The following KIF13A variants were observed in gnomAD, a reference collection of about 807,000 sequenced individuals.
KIF13A encodes kinesin-like protein KIF13A.
KIF13A carries 79 observed loss-of-function variants against 212.2 expected under a neutral mutation model. That is an observed-to-expected ratio of 0.37 (90% CI 0.31 to 0.45). The LOEUF (loss-of-function observed/expected upper bound fraction) is 0.45. Among genes scored for constraint, KIF13A ranks in the 20% least tolerant of loss-of-function variants. The probability of loss-of-function intolerance (pLI) is 1.00; values close to 1 mark genes in which losing one functional copy is unlikely to be tolerated. For synonymous variants in KIF13A, 789 were observed against 808.6 expected (o/e 0.98, Z 0.41); for missense variants, 1,901 against 2,209.0 (o/e 0.86, Z 2.79).
rs1474080600 is a variant in KIF13A, at chr6:17,888,596, G to A, written c.159+9572C>T. Among the ~76,000 whole-genome samples the A allele has an allele frequency of 6.6e-6, 1 of 152,228 alleles. No individual in the cohort carries two copies. Among genetic ancestry groups the A allele is most frequent in the African/African-American group, 2.4e-5 (1 of 41,456 alleles). On this transcript the variant is annotated intron_variant, in intron 3 of 38. Coordinates refer to ENST00000259711, the MANE Select transcript of KIF13A (RefSeq NM_022113.6). This position sits in a 1 kb window ranked among gnomAD's most constrained non-coding sequence, Gnocchi z 4.8. ...CCCAGCACTTTGGGAGGCCAAAGCG[G>A]GCAGATCACTTGAGGCCGGGAGTTC...
chr6:17,922,797 A>T (rs998116620), intron 2 of KIF13A, among the ~76,000 whole-genome samples: 3 of 149,884 alleles, frequency 2.0e-5, no homozygotes, highest in African/African-American at 7.4e-5. Context: ...TTTTTTAATT[A>T]AAAAAAAATA....
rs546258852 is a variant in KIF13A at position 17,857,891 on chromosome 6, C to A, written c.221-1769G>T. ...TGCAAATGGGAATCAAGTTAAATGC[C>A]CGTAAGTATGAAAGTAAGTAAAGTG... On this transcript the variant is annotated intron_variant, in intron 4 of 38. Coordinates refer to ENST00000259711, the MANE Select transcript of KIF13A (RefSeq NM_022113.6). Among the ~76,000 whole-genome samples, 5 of 152,040 alleles carry A rather than the reference C, an allele frequency of 3.3e-5. No individual in the cohort carries two copies. In the South Asian group the frequency reaches 1.0e-3, roughly 32 times the overall value.
chr6:17,940,817 A>ATTTTTTT (rs11325656), intron 2 of KIF13A, among the ~76,000 whole-genome samples: 1 of 140,512 alleles, frequency 7.1e-6, no homozygotes, highest in African/African-American at 2.7e-5. Flanking sequence ...ATGTAAATTT[A>ATTTTTTT]TTTTTTTTTT....
Position 17,817,125 on chromosome 6 carries a change from C to T in KIF13A, c.1895G>A (p.Arg632His), listed in dbSNP as rs754947976. 8 of 1,613,898 alleles carry T rather than the reference C, an allele frequency of 5.0e-6. No individual in the cohort carries two copies. The highest frequency in any genetic ancestry group is 2.2e-5 in the East Asian group (1 of 44,884). The change falls in exon 17 of 39, where the codon CGC (arginine) becomes CAC (histidine). Residue 632 changes from arginine (R) to histidine (H), a missense_variant. Arg to His is a conservative substitution (Grantham distance 29). Coordinates refer to ENST00000259711, the MANE Select transcript of KIF13A (RefSeq NM_022113.6). ...LMYERELEQL[R>H]QQLSPDRQPQ... ...CTGCCTGTCGGGGGAGAGCTGCTGGCGGAGTTGCTCCAGTTCCCGCTCATA... is the reference window on the plus strand; with the variant it reads ...CTGCCTGTCGGGGGAGAGCTGCTGGTGGAGTTGCTCCAGTTCCCGCTCATA...
At chr6:17,970,884 A>G (rs1327788595) in intron 2 of KIF13A, among the ~76,000 whole-genome samples, 1 of 152,224 alleles carries the variant, frequency 6.6e-6, no homozygotes, top group African/African-American at 2.4e-5. Context: ...TTTATACTCA[A>G]CAGGTATCTA....
chr6:17,961,623 C>T lies in KIF13A; in HGVS notation c.146+25431G>A, dbSNP rs1249491833. On this transcript the variant is annotated intron_variant, in intron 2 of 38. Transcript: ENST00000259711. This position sits in a 1 kb window ranked among gnomAD's most constrained non-coding sequence, Gnocchi z 4.1. ...ACACTAAAAGGACAGAAAGATCCTT[C>T]ACCCAGGGCTTAGTAAATAGAATAG... is the stretch of plus-strand genomic sequence containing the variant. Among the ~76,000 whole-genome samples, 1 of 152,192 alleles carries T rather than the reference C, an allele frequency of 6.6e-6. No homozygotes were observed. Among genetic ancestry groups the T allele is most frequent in the Non-Finnish European group, 1.5e-5 (1 of 68,040 alleles).
chr6:17,914,153 G>T lies in KIF13A; in HGVS notation c.147-15973C>A, dbSNP rs1428634076. ...ATCCAAGGCCATTTCTTAGTCTAAA[G>T]AATGTTCAGGTTAGAAGGCAAATCT... On this transcript the variant is annotated intron_variant, in intron 2 of 38. Transcript: ENST00000259711. This position sits in a 1 kb window ranked among gnomAD's most constrained non-coding sequence, Gnocchi z 5.9. 6.6e-6 allele frequency among the ~76,000 whole-genome samples: 1 copy of T among 152,200 alleles called. No individual in the cohort carries two copies.
downstream of KIF13A, chr6:17,760,847 C>T (rs1330393333): frequency 6.2e-7 from 1 of 1,613,682 alleles, no homozygotes; most frequent in South Asian, 1.1e-5. Flanking sequence ...AGGAGGGGTG[C>T]TTGCTGCTCT....
Position 17,912,783 on chromosome 6 carries a change from T to C in KIF13A, c.147-14603A>G, listed in dbSNP as rs1009811444. Among the ~76,000 whole-genome samples the C allele has an allele frequency of 6.6e-6, 1 of 152,174 alleles. No homozygotes were observed. Among genetic ancestry groups the C allele is most frequent in the African/African-American group, 2.4e-5 (1 of 41,442 alleles). On this transcript the variant is annotated intron_variant, in intron 2 of 38. Transcript: ENST00000259711. This position sits in a 1 kb window ranked among gnomAD's most constrained non-coding sequence, Gnocchi z 4.2. ...GAAGCACTGAGAAAAGGTTACTTGT[T>C]TCTCATGGTATCCTCCCTGTCCAGG...
chr6:17,811,675 C>G lies in KIF13A; in HGVS notation c.2001-2745G>C, dbSNP rs1252332547. 6.6e-6 allele frequency among the ~76,000 whole-genome samples: 1 copy of G among 152,204 alleles called. No individual in the cohort carries two copies. Among genetic ancestry groups the G allele is most frequent in the East Asian group, 1.9e-4 (1 of 5,198 alleles). ...TCAACAATTTACTTAGGTAAGAGTT[C>G]CAGCTTCTTATATAACCACATACAA... On this transcript the variant is annotated intron_variant, in intron 17 of 38. Coordinates refer to ENST00000259711, the MANE Select transcript of KIF13A (RefSeq NM_022113.6). This position sits in a 1 kb window ranked among gnomAD's most constrained non-coding sequence, Gnocchi z 6.0.
Position 17,856,020 on chromosome 6 carries a change from A to AACTTCTT in KIF13A, c.313+3_313+9dup. On this transcript the variant is annotated intron_variant, in intron 5 of 38. Coordinates refer to ENST00000259711, the MANE Select transcript of KIF13A (RefSeq NM_022113.6). The surrounding 1 kb of genome is among the most constrained non-coding windows in gnomAD (Gnocchi z 4.5). ...TCCCCCACATCTGGTCTATAAAAGC[A>AACTTCTT]ACTTCTTACCTGTCTGTCCATATGC... The AACTTCTT allele has an allele frequency of 6.3e-7, 1 of 1,593,014 alleles. No homozygotes were observed. Among genetic ancestry groups the AACTTCTT allele is most frequent in the Non-Finnish European group, 8.6e-7 (1 of 1,162,084 alleles).
intron 35 of KIF13A, among the ~76,000 whole-genome samples, chr6:17,774,773 C>CAA (rs111818221): frequency 1.5e-4 from 16 of 103,588 alleles, no homozygotes; most frequent in African/African-American, 4.1e-4. Flanking sequence ...AACTCTGTCT[C>CAA]AAAAAAAAAA....
intron 2 of KIF13A, among the ~76,000 whole-genome samples, chr6:17,957,013 T>C (rs1371973700): frequency 6.6e-6 from 1 of 152,132 alleles, no homozygotes; most frequent in Admixed American, 6.6e-5. Flanking sequence ...CCCAAGTAGC[T>C]GGGATTGCAG....
intron 2 of KIF13A, among the ~76,000 whole-genome samples, chr6:17,942,194 C>A (rs938808880): frequency 6.6e-6 from 1 of 151,736 alleles, no homozygotes; most frequent in South Asian, 2.1e-4. Context: ...CCCAGCTACT[C>A]GGGAGGCTGA....
intron 12 of KIF13A, among the ~76,000 whole-genome samples, chr6:17,832,096 T>C (rs1581454288): frequency 6.6e-6 from 1 of 152,174 alleles, no homozygotes; most frequent in East Asian, 1.9e-4. Context: ...ACGATATCTA[T>C]AAGAAACACA....
intron 33 of KIF13A, among the ~76,000 whole-genome samples, chr6:17,778,042 GCAC>G (rs1384128022): frequency 6.6e-6 from 1 of 152,084 alleles, no homozygotes; most frequent in African/African-American, 2.4e-5. Context: ...GGAGGCTGAG[GCAC>G]TACAATTGCT....
chr6:17,941,465 G>A (rs1776948624), intron 2 of KIF13A, among the ~76,000 whole-genome samples: 1 of 152,130 alleles, frequency 6.6e-6, no homozygotes, highest in Admixed American at 6.6e-5. Flanking sequence ...GACATCTGGA[G>A]ATAGGAGCTT....
At chr6:17,885,133 A>T (rs1771426780) in intron 3 of KIF13A, among the ~76,000 whole-genome samples, 1 of 152,106 alleles carries the variant, frequency 6.6e-6, no homozygotes, top group South Asian at 2.1e-4. Context: ...AAAAAGGAAG[A>T]GTTAAACTTC....
At chr6:17,958,876 C>CTTTTTTTTTT (rs398000716) in intron 2 of KIF13A, among the ~76,000 whole-genome samples, 9 of 83,074 alleles carry the variant, frequency 1.1e-4, no homozygotes, top group African/African-American at 2.8e-4. Context: ...TTTTCTTTTT[C>CTTTTTTTTTT]TTTTTTTTTT....
Sources: gnomAD v4.1 joint callset for allele counts (sites outside exome capture counted in the v4.1 genomes callset) on GRCh38, gnomAD v4.1.1 for gene constraint, Gnocchi (gnomAD v3.1) non-coding constraint, MANE v1.5 for transcripts, NCBI Gene and HGNC (gene_info 2026-07-23, HGNC 2026-07-21) for gene names.